The following GRM7 variants were observed in gnomAD, a reference collection of about 807,000 sequenced individuals.
GRM7 encodes metabotropic glutamate receptor 7.
GRM7 carries 35 observed loss-of-function variants against 84.5 expected under a neutral mutation model. The ratio of observed to expected loss-of-function variants is 0.41; its 90% CI spans 0.32 to 0.55. The LOEUF (loss-of-function observed/expected upper bound fraction) is 0.55, where lower values mean the gene tolerates loss of function less well. GRM7 is among the 20% of genes least tolerant of loss of function. The pLI is 0.19. For missense variants in GRM7, 1,003 were observed against 1,194.6 expected (o/e 0.84, Z 2.36); for synonymous variants, 487 against 455.1 (o/e 1.07, Z -0.89).
chr3:7,709,636 A>T (rs887492219), intron 9 of GRM7, among the ~76,000 whole-genome samples: 3 of 152,044 alleles, frequency 2.0e-5, no homozygotes, highest in African/African-American at 7.2e-5. Flanking sequence ...TCCCAGTAGG[A>T]CTCATTTGAG....
intron 5 of GRM7, among the ~76,000 whole-genome samples, chr3:7,445,439 G>A (rs138657824): frequency 6.6e-6 from 1 of 152,142 alleles, no homozygotes; most frequent in African/African-American, 2.4e-5. Flanking sequence ...ATCATGAAAA[G>A]TGCTTCCACA....
chr3:7,374,002 A>ACATAATCC, intron 4 of GRM7, among the ~76,000 whole-genome samples: 1 of 152,264 alleles, frequency 6.6e-6, no homozygotes, highest in Non-Finnish European at 1.5e-5. Context: ...TATGTCAAGG[A>ACATAATCC]CATGTTCCAT....
chr3:7,361,146 A>T (rs1292540296), intron 4 of GRM7, among the ~76,000 whole-genome samples: 2 of 152,080 alleles, frequency 1.3e-5, no homozygotes, highest in Non-Finnish European at 2.9e-5. Flanking sequence ...TCGTTGATTT[A>T]TTGTCTGTCT....
Position 6,889,940 on chromosome 3 carries a change from T to A in GRM7, c.519+28033T>A, listed in dbSNP as rs145949882. Among the ~76,000 whole-genome samples the A allele has an allele frequency of 4.4e-3, 665 of 152,340 alleles. 8 individuals are homozygous for A. Among genetic ancestry groups the A allele is most frequent in the African/African-American group, 0.015 (613 of 41,578 alleles). ...TTATTGGTTTATTCAGAGATTCAAC[T>A]TCTTCCTGGTTTAGTCTTGGGAGGG... On this transcript the variant is annotated intron_variant, in intron 1 of 9. Transcript: ENST00000357716.
intron 4 of GRM7, among the ~76,000 whole-genome samples, chr3:7,408,133 C>G (rs1695761399): frequency 6.6e-6 from 1 of 152,186 alleles, no homozygotes; most frequent in South Asian, 2.1e-4. Flanking sequence ...TTGAACCCTA[C>G]AATTCTAGTT....
intron 7 of GRM7, among the ~76,000 whole-genome samples, chr3:7,542,202 A>G (rs942846926): frequency 3.9e-5 from 6 of 152,144 alleles, no homozygotes; most frequent in African/African-American, 1.4e-4. Flanking sequence ...GTAATTCAAC[A>G]TGTCTTTTTG....
chr3:7,366,608 A>T (rs1023041214), intron 4 of GRM7, among the ~76,000 whole-genome samples: 8 of 151,994 alleles, frequency 5.3e-5, no homozygotes, highest in African/African-American at 1.9e-4. Flanking sequence ...CTGTAAGTGC[A>T]TACCCTGAAT....
intron 1 of GRM7, among the ~76,000 whole-genome samples, chr3:7,037,034 G>A (rs563032393): frequency 6.6e-6 from 1 of 152,248 alleles, no homozygotes; most frequent in South Asian, 2.1e-4. Context: ...GATGTCTTAG[G>A]ACATTGAAAT....
At chr3:6,969,314 T>A (rs1473764185) in intron 1 of GRM7, among the ~76,000 whole-genome samples, 1 of 152,216 alleles carries the variant, frequency 6.6e-6, no homozygotes, top group African/African-American at 2.4e-5. Context: ...TTCAAAGAAA[T>A]ATGTTTAGCT....
chr3:7,360,765 C>G (rs185933401), intron 4 of GRM7, among the ~76,000 whole-genome samples: 30 of 152,214 alleles, frequency 2.0e-4, no homozygotes, highest in African/African-American at 4.6e-4. Context: ...GGCAAATAAT[C>G]ATCAAAATGT....
intron 2 of GRM7, among the ~76,000 whole-genome samples, chr3:7,255,058 C>T (rs1157757340): frequency 6.6e-6 from 1 of 152,138 alleles, no homozygotes; most frequent in East Asian, 1.9e-4. Flanking sequence ...CCATTTTCCT[C>T]TGCAAATATT....
intron 7 of GRM7, among the ~76,000 whole-genome samples, chr3:7,543,990 T>C (rs937718705): frequency 6.6e-6 from 1 of 152,174 alleles, no homozygotes; most frequent in Non-Finnish European, 1.5e-5. Context: ...TCCACAATTA[T>C]GTCAGGAAAT....
intron 4 of GRM7, among the ~76,000 whole-genome samples, chr3:7,332,009 G>A (rs1437705393): frequency 6.6e-6 from 1 of 152,122 alleles, no homozygotes; most frequent in Non-Finnish European, 1.5e-5. Context: ...CAGAAGTAAT[G>A]GTAGGAAACG....
At chr3:7,277,054 C>T (rs558270183) in intron 2 of GRM7, among the ~76,000 whole-genome samples, 2 of 151,956 alleles carry the variant, frequency 1.3e-5, no homozygotes, top group South Asian at 4.2e-4. Context: ...TTCTATTCAT[C>T]ACATGATGGA....
Position 6,875,354 on chromosome 3 carries a change from C to T in GRM7, c.519+13447C>T, listed in dbSNP as rs979095560. Among the ~76,000 whole-genome samples the T allele has an allele frequency of 2.8e-4, 42 of 152,016 alleles. 1 individual carries two copies. The highest frequency in any genetic ancestry group is 2.2e-3 in the Admixed American group (33 of 15,256). On this transcript the variant is annotated intron_variant, in intron 1 of 9. Transcript: ENST00000357716. Reference sequence around the variant, plus strand: ...TGTAATAATCCCCATGTGCTGAGGGCGGGGCCAGGTAGAGGTAAATTGAAT... The same window carrying T: ...TGTAATAATCCCCATGTGCTGAGGGTGGGGCCAGGTAGAGGTAAATTGAAT...
At chr3:7,593,040 C>T (rs1188567449) in intron 8 of GRM7, among the ~76,000 whole-genome samples, 5 of 152,186 alleles carry the variant, frequency 3.3e-5, no homozygotes, top group African/African-American at 1.2e-4. Flanking sequence ...AACAATATTC[C>T]ATGCATGGAA....
chr3:7,407,035 T>A lies in GRM7; in HGVS notation c.1034-7988T>A, dbSNP rs562844603. 1.5e-4 allele frequency among the ~76,000 whole-genome samples: 23 copies of A among 152,276 alleles called. No individual in the cohort carries two copies. In the East Asian group the frequency reaches 4.4e-3, roughly 29 times the overall value. ...GCAAGAGATTAGAAAGGCAAGAAATTCTACCAACAACAATAAAAACCCAAG... is the reference window on the plus strand; with the variant it reads ...GCAAGAGATTAGAAAGGCAAGAAATACTACCAACAACAATAAAAACCCAAG... On this transcript the variant is annotated intron_variant, in intron 4 of 9. Transcript: ENST00000357716.
rs931734792 is a variant in GRM7, at chr3:7,740,610, C to T, written c.*204C>T. 4 of 430,212 alleles carry T rather than the reference C, an allele frequency of 9.3e-6. No individual in the cohort carries two copies. The South Asian group carries it at 2.5e-4, about 27-fold the overall frequency. 26.6% of individuals were successfully genotyped at this position (430,212 alleles called of 1,614,324 possible). On this transcript the variant is annotated 3_prime_UTR_variant, in exon 10 of 10. Transcript: ENST00000357716. ...TTATCTGGGCTTAATAAGTCACTGA[C>T]ATCAGCACTGCCAACTCGGCTGCAA...
intron 1 of GRM7, among the ~76,000 whole-genome samples, chr3:7,123,193 T>C (rs975944537): frequency 6.6e-6 from 1 of 152,252 alleles, no homozygotes; most frequent in African/African-American, 2.4e-5. Context: ...TAATGTGTGT[T>C]GAGAATGTTT....
Sources: gnomAD v4.1 joint callset for allele counts (sites outside exome capture counted in the v4.1 genomes callset) on GRCh38, gnomAD v4.1.1 for gene constraint, MANE v1.5 for transcripts, NCBI Gene and HGNC (gene_info 2026-07-23, HGNC 2026-07-21) for gene names.